The following ADAMTSL1 variants were observed in gnomAD, a reference collection of about 807,000 sequenced individuals.
ADAMTSL1 encodes ADAMTS like 1.
Under a neutral mutation model 201.8 loss-of-function variants are expected in ADAMTSL1, and 126 were observed. The ratio of observed to expected loss-of-function variants is 0.62; its 90% confidence interval spans 0.54 to 0.72. The LOEUF (loss-of-function observed/expected upper bound fraction) is 0.72, where lower values mean the gene tolerates loss of function less well. ADAMTSL1 is among the 30% of genes least tolerant of loss of function. ADAMTSL1 has a pLI of 0.00. For synonymous variants in ADAMTSL1, 1,121 were observed against 903.4 expected, an observed-to-expected ratio of 1.24 and a Z score of -4.32; for missense variants, 2,679 against 2,277.8, an observed-to-expected ratio of 1.18 and a Z score of -3.59.
chr9:17,986,866 TG>T (rs764815846), intron 1 of ADAMTSL1, among the ~76,000 whole-genome samples: 30 of 152,056 alleles, frequency 2.0e-4, no homozygotes, highest in Non-Finnish European at 3.7e-4. Flanking sequence ...CTAGCACAGT[TG>T]GGGGGAGATT....
At chr9:18,737,209 C>T (rs1436048290) in intron 15 of ADAMTSL1, among the ~76,000 whole-genome samples, 1 of 149,916 alleles carries the variant, frequency 6.7e-6, no homozygotes, top group Non-Finnish European at 1.5e-5. Flanking sequence ...ATCCCAGCTA[C>T]TCGGGAGGCT....
At chr9:18,711,496 G>A (rs1219298667) in intron 14 of ADAMTSL1, among the ~76,000 whole-genome samples, 2 of 152,212 alleles carry the variant, frequency 1.3e-5, no homozygotes, top group Admixed American at 6.5e-5. Context: ...GACGGCACCT[G>A]GAAAATCGGG....
chr9:17,927,177 G>T (rs1471891535), intron 1 of ADAMTSL1, among the ~76,000 whole-genome samples: 1 of 152,078 alleles, frequency 6.6e-6, no homozygotes, highest in African/African-American at 2.4e-5. Context: ...TTTGTGACTG[G>T]CTTATTTCAC....
chr9:18,747,437 G>GCGGTCCCATGATAAGAAT (rs1819212190), intron 15 of ADAMTSL1, among the ~76,000 whole-genome samples: 1 of 151,988 alleles, frequency 6.6e-6, no homozygotes, highest in South Asian at 2.1e-4. Context: ...ATGATAAGAA[G>GCGGTCCCATGATAAGAAT]CAGCCCCATT....
intron 1 of ADAMTSL1, among the ~76,000 whole-genome samples, chr9:17,972,148 T>TC (rs1429213215): frequency 3.6e-5 from 5 of 140,778 alleles, no homozygotes; most frequent in African/African-American, 5.2e-5. Context: ...TTCTTTTTCT[T>TC]TTTTTTAAAT....
intron 1 of ADAMTSL1, among the ~76,000 whole-genome samples, chr9:18,004,187 G>GAATTGC (rs1337766633): frequency 6.6e-6 from 1 of 151,996 alleles, no homozygotes; most frequent in Non-Finnish European, 1.5e-5. Context: ...TATGCACATG[G>GAATTGC]AATGATTTTG....
chr9:18,083,147 A>T (rs1823586549), intron 1 of ADAMTSL1, among the ~76,000 whole-genome samples: 1 of 152,218 alleles, frequency 6.6e-6, no homozygotes, highest in East Asian at 1.9e-4. Flanking sequence ...GCAAGACATG[A>T]AACTGTGCCT....
chr9:18,108,265 A>G (rs1439773243), intron 1 of ADAMTSL1, among the ~76,000 whole-genome samples: 1 of 147,306 alleles, frequency 6.8e-6, no homozygotes, highest in Non-Finnish European at 1.5e-5. Context: ...CAGTGACACC[A>G]TCATGGCTCA....
At chr9:18,477,567 T>C (rs930057360) in intron 1 of ADAMTSL1, among the ~76,000 whole-genome samples, 5 of 152,192 alleles carry the variant, frequency 3.3e-5, no homozygotes, top group East Asian at 3.9e-4. Flanking sequence ...TCCAGCAGCA[T>C]GTATGTCAGT....
chr9:18,385,644 G>A (rs901899207), intron 2 of ADAMTSL1, among the ~76,000 whole-genome samples: 2 of 152,116 alleles, frequency 1.3e-5, no homozygotes, highest in Admixed American at 6.6e-5. Flanking sequence ...GCTGTAAAAT[G>A]AATATTCAGT....
chr9:18,203,959 T>C (rs1829546272), intron 2 of ADAMTSL1, among the ~76,000 whole-genome samples: 1 of 152,066 alleles, frequency 6.6e-6, no homozygotes, highest in African/African-American at 2.4e-5. Context: ...ACACAGGTAA[T>C]TTACTGGGGA....
At chr9:18,171,975 G>A (rs1184692385) in intron 2 of ADAMTSL1, among the ~76,000 whole-genome samples, 3 of 152,010 alleles carry the variant, frequency 2.0e-5, no homozygotes, top group Admixed American at 6.6e-5. Context: ...GTTTGCCAAA[G>A]ATCAGATGGT....
At chr9:18,135,361 TG>T (rs1826115911) in intron 1 of ADAMTSL1, among the ~76,000 whole-genome samples, 1 of 152,176 alleles carries the variant, frequency 6.6e-6, no homozygotes, top group African/African-American at 2.4e-5. Context: ...AGCAACTCTT[TG>T]GGAATATAAG....
chr9:18,895,746 T>C (rs1829591808), intron 26 of ADAMTSL1, among the ~76,000 whole-genome samples: 1 of 152,192 alleles, frequency 6.6e-6, no homozygotes, highest in African/African-American at 2.4e-5. Flanking sequence ...CAGTGATGGA[T>C]TGCCCAATCA....
chr9:18,125,959 T>G (rs1338744241), intron 1 of ADAMTSL1, among the ~76,000 whole-genome samples: 1 of 152,188 alleles, frequency 6.6e-6, no homozygotes, highest in Non-Finnish European at 1.5e-5. Flanking sequence ...AATTGTGACC[T>G]GGGACAAACT....
intron 2 of ADAMTSL1, among the ~76,000 whole-genome samples, chr9:18,243,890 A>G (rs1212449445): frequency 6.6e-6 from 1 of 151,064 alleles, no homozygotes; most frequent in African/African-American, 2.4e-5. Flanking sequence ...AGTGGCACCA[A>G]CTTAGTCAAG....
intron 2 of ADAMTSL1, among the ~76,000 whole-genome samples, chr9:18,319,606 C>T (rs369617809): frequency 1.3e-5 from 2 of 152,142 alleles, no homozygotes; most frequent in East Asian, 3.9e-4. Context: ...CACCTCACTC[C>T]TTGGCTTGTA....
chr9:18,044,805 C>G (rs1403350011), intron 1 of ADAMTSL1, among the ~76,000 whole-genome samples: 1 of 152,118 alleles, frequency 6.6e-6, no homozygotes, highest in South Asian at 2.1e-4. Flanking sequence ...CAGAGTCACA[C>G]CTAGAATACA....
At chr9:18,392,526 T>G (rs1270478288) in intron 2 of ADAMTSL1, among the ~76,000 whole-genome samples, 1 of 152,218 alleles carries the variant, frequency 6.6e-6, no homozygotes, top group Non-Finnish European at 1.5e-5. Flanking sequence ...TCCCTGCTGA[T>G]AGCCCTTATC....
Sources: gnomAD v4.1 joint callset for allele counts (sites outside exome capture counted in the v4.1 genomes callset) on GRCh38, gnomAD v4.1.1 for gene constraint, MANE v1.5 for transcripts, NCBI Gene and HGNC (gene_info 2026-07-23, HGNC 2026-07-21) for gene names.